The following MGAT4C variants were observed in gnomAD, a reference collection of about 807,000 sequenced individuals.
MGAT4C encodes MGAT4 family member C.
A neutral mutation model predicts 40.1 loss-of-function variants in MGAT4C; 19 were observed. The observed-to-expected ratio is 0.47, with a 90% CI of 0.33 to 0.70. MGAT4C has a LOEUF of 0.70. MGAT4C is among the 30% of genes least tolerant of loss of function. MGAT4C has a pLI of 0.02. For missense variants in MGAT4C, 491 were observed against 563.2 expected, an observed-to-expected ratio of 0.87 and a Z score of 1.30; for synonymous variants, 181 against 187.1, an observed-to-expected ratio of 0.97 and a Z score of 0.27.
In MGAT4C at chr12:86,203,014, CTGTGTGTGTGTGTG is replaced by C. The variant is rs10587166; in HGVS notation, c.-57+53211_-57+53224del. 4.2e-3 allele frequency among the ~76,000 whole-genome samples: 624 copies of C among 147,446 alleles called. 2 individuals are homozygous for C. Among genetic ancestry groups the C allele is most frequent in the African/African-American group, 0.013 (528 of 39,946 alleles). On this transcript the variant is annotated intron_variant, in intron 1 of 4. Coordinates refer to ENST00000611864, the MANE Select transcript of MGAT4C (RefSeq NM_001351288.2). The stretch of plus-strand genomic sequence containing the variant: ...GCTGCTAAGTATATGTCACATTTTC[CTGTGTGTGTGTGTG>C]TGTGTGTGTGTGTGTGTGTGTGTGT...
intron 4 of MGAT4C, among the ~76,000 whole-genome samples, chr12:86,268,533 T>C (rs1258597682): frequency 6.6e-6 from 1 of 151,576 alleles, no homozygotes; most frequent in Non-Finnish European, 1.5e-5. Context: ...TCTACCATAC[T>C]TTTACGGACT....
chr12:86,718,398 C>T (rs1950683309), intron 2 of MGAT4C, among the ~76,000 whole-genome samples: 1 of 152,130 alleles, frequency 6.6e-6, no homozygotes, highest in Admixed American at 6.6e-5. Flanking sequence ...GTTTGTCTCA[C>T]CTGTGTCTTT....
intron 1 of MGAT4C, among the ~76,000 whole-genome samples, chr12:86,770,518 A>T (rs1327656044): frequency 6.6e-6 from 1 of 152,112 alleles, no homozygotes; most frequent in Non-Finnish European, 1.5e-5. Flanking sequence ...CATATTAAAT[A>T]TTATACATGA....
At chr12:86,108,914 A>G (rs986078152) in intron 1 of MGAT4C, among the ~76,000 whole-genome samples, 2 of 152,140 alleles carry the variant, frequency 1.3e-5, no homozygotes, top group African/African-American at 4.8e-5. Flanking sequence ...CCCAGCCTAC[A>G]GTTTGGCCAC....
intron 1 of MGAT4C, among the ~76,000 whole-genome samples, chr12:86,051,852 T>C (rs1181201343): frequency 2.0e-5 from 3 of 151,490 alleles, no homozygotes; most frequent in African/African-American, 2.4e-5. Context: ...TCTGAAGCAT[T>C]ATTGTTAAAA....
At chr12:86,152,515 T>C (rs1335995080) in intron 1 of MGAT4C, among the ~76,000 whole-genome samples, 2 of 152,218 alleles carry the variant, frequency 1.3e-5, no homozygotes, top group African/African-American at 4.8e-5. Context: ...ATCTTAATAC[T>C]ATTGTACTGG....
At chr12:86,598,206 T>C (rs1015003404) in intron 2 of MGAT4C, among the ~76,000 whole-genome samples, 2 of 152,180 alleles carry the variant, frequency 1.3e-5, no homozygotes, top group East Asian at 1.9e-4. Context: ...TTTTTACTTA[T>C]TTGTATGCAA....
At chr12:86,181,639 A>AT (rs1023743004) in intron 1 of MGAT4C, among the ~76,000 whole-genome samples, 1 of 152,190 alleles carries the variant, frequency 6.6e-6, no homozygotes, top group Non-Finnish European at 1.5e-5. Flanking sequence ...ATGAACTTCC[A>AT]TTATGAAAAA....
chr12:86,565,197 T>C (rs1960037917), intron 2 of MGAT4C, among the ~76,000 whole-genome samples: 1 of 152,100 alleles, frequency 6.6e-6, no homozygotes. Context: ...ACAGCAGCAT[T>C]TCATCATCAA....
chr12:86,704,337 T>C (rs79944576), intron 2 of MGAT4C, among the ~76,000 whole-genome samples: 3,074 of 152,160 alleles, frequency 0.02, 96 homozygotes, highest in African/African-American at 0.07. Flanking sequence ...TATTATGTGA[T>C]ACAGACCTTA....
At chr12:86,279,997 T>C (rs1007960359) in intron 4 of MGAT4C, among the ~76,000 whole-genome samples, 1 of 150,504 alleles carries the variant, frequency 6.6e-6, no homozygotes, top group Non-Finnish European at 1.5e-5. Context: ...AGATGATTTA[T>C]ATGATTTCAA....
chr12:86,492,587 T>C (rs1958159452), intron 2 of MGAT4C, among the ~76,000 whole-genome samples: 1 of 152,200 alleles, frequency 6.6e-6, no homozygotes, highest in African/African-American at 2.4e-5. Context: ...GAAAACTGGC[T>C]AGCCATATGT....
chr12:86,540,388 G>T (rs1403370233), intron 2 of MGAT4C, among the ~76,000 whole-genome samples: 2 of 152,204 alleles, frequency 1.3e-5, no homozygotes, highest in Non-Finnish European at 2.9e-5. Context: ...AGCAGCCCAG[G>T]TTAAGCCTCA....
chr12:85,993,263 A>T (rs2136736396), intron 2 of MGAT4C, among the ~76,000 whole-genome samples: 1 of 152,308 alleles, frequency 6.6e-6, no homozygotes, highest in East Asian at 1.9e-4. Flanking sequence ...AGTGGCAGAG[A>T]ATTTTGGAAA....
At chr12:86,123,150 A>T (rs866500256) in intron 1 of MGAT4C, among the ~76,000 whole-genome samples, 10 of 152,080 alleles carry the variant, frequency 6.6e-5, no homozygotes, top group African/African-American at 2.2e-4. Context: ...GCCACTCAAG[A>T]TTTCTTTGTG....
At chr12:86,514,703 G>T (rs1592940672) in intron 2 of MGAT4C, among the ~76,000 whole-genome samples, 1 of 152,164 alleles carries the variant, frequency 6.6e-6, no homozygotes, top group East Asian at 1.9e-4. Flanking sequence ...TTCAAGGTCA[G>T]CTGATGAGCA....
intron 1 of MGAT4C, among the ~76,000 whole-genome samples, chr12:86,837,395 C>T (rs1953058964): frequency 6.6e-6 from 1 of 152,054 alleles, no homozygotes; most frequent in Non-Finnish European, 1.5e-5. Flanking sequence ...CAATCCTTCC[C>T]TCTTTCCTTT....
rs1019523887 is a variant in MGAT4C at position 85,975,856 on chromosome 12, T to C, written c.*3433A>G. The stretch of plus-strand genomic sequence containing the variant: ...TCTATTACTCAGTAATATGATGCCA[T>C]TACTGTGTTGATGGATGTATTGTCA... On this transcript the variant is annotated 3_prime_UTR_variant, in exon 5 of 5. Transcript: ENST00000611864. 1 of 150,984 alleles carries C rather than the reference T, an allele frequency of 6.6e-6. No individual in the cohort carries two copies. 9.4% of individuals were successfully genotyped at this position (150,984 alleles called of 1,614,324 possible).
At chr12:86,024,095 G>A (rs143749972) in intron 2 of MGAT4C, among the ~76,000 whole-genome samples, 1 of 151,652 alleles carries the variant, frequency 6.6e-6, no homozygotes, top group African/African-American at 2.4e-5. Flanking sequence ...GTACAATTAT[G>A]GATGTTACTT....
Sources: allele counts gnomAD v4.1 joint callset (sites outside exome capture counted in the v4.1 genomes callset), GRCh38; gene constraint gnomAD v4.1.1; transcripts MANE v1.5; gene names NCBI Gene and HGNC (gene_info 2026-07-23, HGNC 2026-07-21).